WRN: variants seen among roughly 807,000 people sequenced by gnomAD.
WRN encodes the protein WRN RecQ like helicase.
A neutral mutation model predicts 180.7 loss-of-function variants in WRN; 149 were observed. The ratio of observed to expected loss-of-function variants is 0.82; its 90% CI spans 0.72 to 0.94. The LOEUF (loss-of-function observed/expected upper bound fraction) is 0.94, where lower values mean the gene tolerates loss of function less well. Ranked by LOEUF, WRN falls within the 40% of genes least tolerant of loss-of-function variation. The probability of loss-of-function intolerance (pLI) is 0.00; values close to 1 mark genes in which losing one functional copy is unlikely to be tolerated. For missense variants in WRN, 1,661 were observed against 1,700.1 expected (o/e 0.98, Z 0.40); for synonymous variants, 548 against 568.9 (o/e 0.96, Z 0.52).
intron 1 of WRN, among the ~76,000 whole-genome samples, chr8:31,040,094 G>C (rs758541800): frequency 6.6e-6 from 1 of 152,180 alleles, no homozygotes; most frequent in Non-Finnish European, 1.5e-5. Context: ...TTTGCTGACA[G>C]ATTAGATGCA....
At chr8:31,067,281 C>T in intron 6 of WRN, 99 bp downstream of exon 6, 1 of 1,348,848 alleles carries the variant, frequency 7.4e-7, no homozygotes, top group Non-Finnish European at 1.0e-6. Flanking sequence ...AGAAACTCTA[C>T]CAAAATATTT....
rs71539917 is a variant in WRN, at chr8:31,140,003, G to GTTTTTTTTT, written c.2968-1405_2968-1397dup. ...AAGCTCTATGTTTGTATACTTCTTT[G>GTTTTTTTTT]TTTTTTTTTTTTTTTTTTTTTTTTT... On this transcript the variant is annotated intron_variant, in intron 24 of 34. Transcript: ENST00000298139. 1.3e-3 allele frequency among the ~76,000 whole-genome samples: 78 copies of GTTTTTTTTT among 62,102 alleles called. 18 individuals carry two copies. The highest frequency in any genetic ancestry group is 1.8e-3 in the East Asian group (3 of 1,692). The allele number at this position is 62,102 out of a possible 152,430, so 40.7% of individuals were successfully genotyped here. A position where few individuals can be genotyped will look rare whatever the true frequency, so the allele number is the denominator to read the frequency against.
intron 16 of WRN, among the ~76,000 whole-genome samples, chr8:31,093,043 C>T (rs1813818070): frequency 6.6e-6 from 1 of 152,138 alleles, no homozygotes; most frequent in South Asian, 2.1e-4. Context: ...CTACTGGGCT[C>T]AAGCTATCCT....
chr8:31,099,987 T>C (rs1814156462), intron 17 of WRN, among the ~76,000 whole-genome samples: 1 of 152,160 alleles, frequency 6.6e-6, no homozygotes, highest in African/African-American at 2.4e-5. Context: ...AGTCTGACTT[T>C]AGAGCTTTTT....
chr8:31,040,862 G>A (rs535188960), intron 1 of WRN, among the ~76,000 whole-genome samples: 2 of 152,046 alleles, frequency 1.3e-5, no homozygotes, highest in East Asian at 1.9e-4. Flanking sequence ...AAAAAATTGC[G>A]TATATGTTGA....
intron 7 of WRN, among the ~76,000 whole-genome samples, chr8:31,075,719 C>CAA (rs1181552234): frequency 1.1e-4 from 10 of 91,656 alleles, no homozygotes; most frequent in East Asian, 3.1e-4. Context: ...GACTCTGTCT[C>CAA]AAAAAAAAAA....
intron 9 of WRN, among the ~76,000 whole-genome samples, chr8:31,082,700 G>A (rs1443641232): frequency 6.6e-6 from 1 of 151,858 alleles, no homozygotes; most frequent in African/African-American, 2.4e-5. Flanking sequence ...CGGTTCAAGT[G>A]ATTCTCCTAC....
chr8:31,100,978 T>C (rs1462770204), intron 18 of WRN, 23 bp downstream of exon 18: 1 of 1,588,516 alleles, frequency 6.3e-7, no homozygotes, highest in East Asian at 2.2e-5. Context: ...AAGTCTGATG[T>C]CCCGAAATTA....
intron 3 of WRN, among the ~76,000 whole-genome samples, chr8:31,062,779 T>C (rs1203505146): frequency 6.6e-6 from 1 of 152,184 alleles, no homozygotes; most frequent in Non-Finnish European, 1.5e-5. Context: ...TGTTTGTTCT[T>C]TCTGATTCTC....
intron 1 of WRN, among the ~76,000 whole-genome samples, chr8:31,045,747 G>C (rs1359538712): frequency 2.0e-5 from 3 of 152,008 alleles, no homozygotes; most frequent in Non-Finnish European, 2.9e-5. Flanking sequence ...ATATTTAGTA[G>C]GGTGAGTTTT....
intron 30 of WRN, among the ~76,000 whole-genome samples, chr8:31,149,406 T>A (rs1214322546): frequency 1.4e-4 from 16 of 116,710 alleles, no homozygotes; most frequent in South Asian, 2.7e-4. Flanking sequence ...AAAAAAAAAA[T>A]AAAAAATAAA....
At chr8:31,128,845 C>G (rs905238034) in intron 23 of WRN, among the ~76,000 whole-genome samples, 1 of 151,954 alleles carries the variant, frequency 6.6e-6, no homozygotes, top group South Asian at 2.1e-4. Context: ...GGCAACAGAG[C>G]GAGACTCTGT....
chr8:31,097,268 A>G (rs1190858016), intron 17 of WRN, among the ~76,000 whole-genome samples: 2 of 152,154 alleles, frequency 1.3e-5, no homozygotes, highest in African/African-American at 4.8e-5. Flanking sequence ...AAGTCAGTGT[A>G]GTGGTTTTGT....
intron 7 of WRN, among the ~76,000 whole-genome samples, chr8:31,069,549 G>A (rs1812830284): frequency 6.6e-6 from 1 of 152,240 alleles, no homozygotes; most frequent in African/African-American, 2.4e-5. Flanking sequence ...TGAATGAAGT[G>A]ATGCGTAGGC....
chr8:31,101,117 C>T (rs1267338503), intron 18 of WRN, among the ~76,000 whole-genome samples, 162 bp downstream of exon 18: 1 of 152,144 alleles, frequency 6.6e-6, no homozygotes, highest in Admixed American at 6.5e-5. Context: ...GGTATATAAT[C>T]TATTGAGGAA....
chr8:31,074,048 C>T (rs1327665572), intron 7 of WRN, among the ~76,000 whole-genome samples: 1 of 151,716 alleles, frequency 6.6e-6, no homozygotes, highest in Non-Finnish European at 1.5e-5. Flanking sequence ...TCCGGAGTAG[C>T]TGGGACTACG....
chr8:31,154,629 C>T lies in WRN; in HGVS notation c.3693C>T (p.Asp1231=), dbSNP rs1474231394. ...HFCQTNSVQT[D]LFSSTKPQEE... ...CTACATTAAAAATTCTGTAGACAGA[C>T]CTCTTTTCAAGTACAAAACCTCAAG... Residue 1231 remains aspartate (D), a synonymous_variant, in exon 32 of 35, where the codon GAC becomes GAT. Transcript: ENST00000298139. 1 of 1,612,146 alleles carries T rather than the reference C, an allele frequency of 6.2e-7. No individual in the cohort carries two copies. Among genetic ancestry groups the T allele is most frequent in the South Asian group, 1.1e-5 (1 of 90,946 alleles).
intron 18 of WRN, 100 bp from the exon 19 acceptor site, chr8:31,111,515 A>G: frequency 7.0e-7 from 1 of 1,429,012 alleles, no homozygotes; most frequent in Non-Finnish European, 9.7e-7. Flanking sequence ...ACATTGTACC[A>G]CAAACTGTTG....
At chr8:31,044,202 C>T (rs868062565) in intron 1 of WRN, among the ~76,000 whole-genome samples, 13 of 151,742 alleles carry the variant, frequency 8.6e-5, no homozygotes, top group African/African-American at 2.4e-4. Context: ...CCGCCACACC[C>T]GGCTAATTTT....
Sources: allele counts gnomAD v4.1 joint callset (sites outside exome capture counted in the v4.1 genomes callset), GRCh38; gene constraint gnomAD v4.1.1; transcripts MANE v1.5; gene names NCBI Gene and HGNC (gene_info 2026-07-23, HGNC 2026-07-21).